Variants in TM4SF19 observed in about 807,000 individuals in gnomAD.
TM4SF19 encodes the protein transmembrane 4 L6 family member 19.
A neutral mutation model predicts 21.8 loss-of-function variants in TM4SF19; 17 were observed. The ratio of observed to expected loss-of-function variants is 0.78; its 90% CI spans 0.53 to 1.17. The LOEUF (loss-of-function observed/expected upper bound fraction) is 1.17, where lower values mean the gene tolerates loss of function less well. Ranked by LOEUF, TM4SF19 falls within the 50% of genes most tolerant of loss-of-function variation. TM4SF19 has a pLI of 0.00. For missense variants in TM4SF19, 216 were observed against 252.1 expected (o/e 0.86, Z 0.97); for synonymous variants, 107 against 106.7 (o/e 1.00, Z -0.02).
chr3:196,332,881 C>A (rs1727578662), intron 1 of TM4SF19, among the ~76,000 whole-genome samples: 1 of 117,852 alleles, frequency 8.5e-6, no homozygotes, highest in East Asian at 3.2e-4. Flanking sequence ...GAGACAGGGT[C>A]TTGCTCTGTC....
rs146494729 is a variant in TM4SF19, at chr3:196,336,225, G to A, written c.-2+2039C>T. ...GCGGCCTCAGCTCACTGCTACCTCC[G>A]CCTCCTGGGTTCAAGTGATTCTCCT... On this transcript the variant is annotated intron_variant, in intron 1 of 4. Coordinates refer to ENST00000273695, the MANE Select transcript of TM4SF19 (RefSeq NM_138461.4). Among the ~76,000 whole-genome samples, 679 of 151,704 alleles carry A rather than the reference G, an allele frequency of 4.5e-3. 17 individuals are homozygous for A. The South Asian group carries it at 0.072, about 16-fold the overall frequency.
Position 196,325,684 on chromosome 3 carries a change from C to CT in TM4SF19, c.280-1245dup, listed in dbSNP as rs1380002294. 3 of 152,288 alleles carry CT rather than the reference C, an allele frequency of 2.0e-5. No individual in the cohort carries two copies. The highest frequency in any genetic ancestry group is 2.0e-4 in the Admixed American group (3 of 15,284). The allele number at this position is 152,288 out of a possible 1,614,324, so 9.4% of individuals were successfully genotyped here. ...CAAAGGTGCATAGTAAGTTTTGACTCTGAGTTAAAGGAGTCAAGATGAATC... is the reference window on the plus strand; with the variant it reads ...CAAAGGTGCATAGTAAGTTTTGACTCTTGAGTTAAAGGAGTCAAGATGAATC... On this transcript the variant is annotated intron_variant, in intron 3 of 4. Transcript: ENST00000273695. The surrounding 1 kb of genome is among the most constrained non-coding windows in gnomAD (Gnocchi z 4.3).
rs1257129640 is a variant in TM4SF19, at chr3:196,323,687, T to C, written c.*130A>G. 1 of 1,537,700 alleles carries C rather than the reference T, an allele frequency of 6.5e-7. No individual in the cohort carries two copies. The highest frequency in any genetic ancestry group is 8.8e-7 in the Non-Finnish European group (1 of 1,138,300). ...TCATTCCACCGACCTGCAGTGAATT[T>C]TGTTGTCATTATTACTCCAGGGATA... On this transcript the variant is annotated 3_prime_UTR_variant, in exon 5 of 5. Transcript: ENST00000273695.
chr3:196,324,496 G>T, intron 3 of TM4SF19, 56 bp from the exon 4 acceptor site: 1 of 1,587,974 alleles, frequency 6.3e-7, no homozygotes, highest in South Asian at 1.1e-5. Context: ...GGGAGCCTGC[G>T]GAGGGAGGAG....
intron 2 of TM4SF19, 115 bp from the exon 3 acceptor site, chr3:196,327,147 T>A: frequency 1.1e-6 from 1 of 892,608 alleles, no homozygotes; most frequent in Non-Finnish European, 1.8e-6. Flanking sequence ...TCCTGTTGAC[T>A]CTGACTCTGG....
intron 2 of TM4SF19, 24 bp downstream of exon 2, chr3:196,327,366 G>A (rs750276069): frequency 1.1e-5 from 17 of 1,609,008 alleles, no homozygotes; most frequent in African/African-American, 4.0e-5. Flanking sequence ...GAGAGTTCAC[G>A]TTCAGGGAAC....
chr3:196,325,845 G>A lies in TM4SF19; in HGVS notation c.279+1110C>T, dbSNP rs571445452. ...CTGGGGAGGGAGCCCAGCAATCCGT[G>A]TTCCGGCAAAAGCCCTCCAGGTGAT... On this transcript the variant is annotated intron_variant, in intron 3 of 4. Transcript: ENST00000273695. The surrounding 1 kb of genome is among the most constrained non-coding windows in gnomAD (Gnocchi z 4.3). Among the ~76,000 whole-genome samples the A allele has an allele frequency of 2.8e-4, 42 of 152,308 alleles. No individual in the cohort carries two copies. The highest frequency in any genetic ancestry group is 1.0e-3 in the African/African-American group (42 of 41,566).
chr3:196,328,157 G>A (rs560198537), intron 1 of TM4SF19, among the ~76,000 whole-genome samples: 1 of 152,162 alleles, frequency 6.6e-6, no homozygotes, highest in East Asian at 1.9e-4. Context: ...AAAATTAGCT[G>A]GGCACGGTGG....
At chr3:196,331,822 C>T (rs1442848348) in intron 1 of TM4SF19, among the ~76,000 whole-genome samples, 2 of 151,836 alleles carry the variant, frequency 1.3e-5, no homozygotes, top group South Asian at 2.1e-4. Context: ...GTGAGGTCTC[C>T]TTATGTGGCC....
At position 196,324,181 on chromosome 3, in the gene TM4SF19, C is replaced by T. The variant is rs552914164; in HGVS notation, c.449+90G>A. The T allele has an allele frequency of 3.0e-5, 46 of 1,517,714 alleles. No homozygotes were observed. In the South Asian group the frequency reaches 4.7e-4, roughly 16 times the overall value. 94.0% of individuals were successfully genotyped at this position (1,517,714 alleles called of 1,614,324 possible). A position where few individuals can be genotyped will look rare whatever the true frequency, so the allele number is the denominator to read the frequency against. ...GGAGCAAGATGCTAGGATGTGTGACCCAAAGGAGCTTGTAGTTCGTCTGTG... is the reference window on the plus strand; with the variant it reads ...GGAGCAAGATGCTAGGATGTGTGACTCAAAGGAGCTTGTAGTTCGTCTGTG... On this transcript the variant is annotated intron_variant, in intron 4 of 4. Coordinates refer to ENST00000273695, the MANE Select transcript of TM4SF19 (RefSeq NM_138461.4).
rs901934560 is a variant in TM4SF19, at chr3:196,333,967, A to G, written c.-2+4297T>C. The stretch of plus-strand genomic sequence containing the variant: ...TCCCAGCTACTCAGGAGGCTGAGGC[A>G]GAAGAATCACTTGAACCTGGGAGGC... On this transcript the variant is annotated intron_variant, in intron 1 of 4. Coordinates refer to ENST00000273695, the MANE Select transcript of TM4SF19 (RefSeq NM_138461.4). Among the ~76,000 whole-genome samples the G allele has an allele frequency of 2.6e-5, 4 of 152,134 alleles. No individual in the cohort carries two copies. In the South Asian group the frequency reaches 8.3e-4, roughly 32 times the overall value.
chr3:196,332,887 C>G (rs1727578942), intron 1 of TM4SF19, among the ~76,000 whole-genome samples: 1 of 138,080 alleles, frequency 7.2e-6, no homozygotes, highest in Admixed American at 7.8e-5. Context: ...GGGTCTTGCT[C>G]TGTCACCCAG....
intron 4 of TM4SF19, 94 bp from the exon 5 acceptor site, chr3:196,324,091 G>A: frequency 6.6e-7 from 1 of 1,510,592 alleles, no homozygotes; most frequent in Non-Finnish European, 9.1e-7. Flanking sequence ...CCCCTGACCG[G>A]GTCATGGGAC....
At chr3:196,327,086 C>T in intron 2 of TM4SF19, 54 bp from the exon 3 acceptor site, 1 of 1,449,302 alleles carries the variant, frequency 6.9e-7, no homozygotes, top group Admixed American at 1.7e-5. Flanking sequence ...CCGGCTGTTT[C>T]TAGGTGCTGC....
intron 1 of TM4SF19, among the ~76,000 whole-genome samples, chr3:196,334,573 A>C (rs976836605): frequency 3.3e-5 from 5 of 150,572 alleles, no homozygotes; most frequent in Non-Finnish European, 7.4e-5. Context: ...TCTGCCTCAG[A>C]CTCCCCAGTA....
chr3:196,336,972 A>G (rs1727784348), intron 1 of TM4SF19, among the ~76,000 whole-genome samples: 1 of 151,944 alleles, frequency 6.6e-6, no homozygotes, highest in African/African-American at 2.4e-5. Context: ...GGCTAGGGAT[A>G]TAACGATGAA....
chr3:196,338,077 G>C (rs962365874), intron 1 of TM4SF19, among the ~76,000 whole-genome samples, 187 bp downstream of exon 1: 3 of 152,230 alleles, frequency 2.0e-5, no homozygotes, highest in African/African-American at 7.2e-5. Flanking sequence ...TACTAGGCAG[G>C]AAGAGTATTC....
At chr3:196,337,628 C>T (rs1007302642) in intron 1 of TM4SF19, among the ~76,000 whole-genome samples, 2 of 152,146 alleles carry the variant, frequency 1.3e-5, no homozygotes, top group African/African-American at 4.8e-5. Flanking sequence ...AGCATGCGCA[C>T]GACTTCAGTA....
chr3:196,337,051 C>CTTCTT (rs1553846447), intron 1 of TM4SF19, among the ~76,000 whole-genome samples: 2 of 67,816 alleles, frequency 2.9e-5, no homozygotes, highest in African/African-American at 6.6e-5. Context: ...AAAAGCAATT[C>CTTCTT]TTTTTTTTTT....
Sources: allele counts gnomAD v4.1 joint callset (sites outside exome capture counted in the v4.1 genomes callset), GRCh38; gene constraint gnomAD v4.1.1; non-coding constraint Gnocchi (gnomAD v3.1); transcripts MANE v1.5; gene names NCBI Gene and HGNC (gene_info 2026-07-23, HGNC 2026-07-21).